Variants in EXOSC9 observed in about 807,000 individuals in gnomAD.
The protein encoded by EXOSC9 is exosome complex component RRP45.
EXOSC9 carries 38 observed loss-of-function variants against 56.5 expected under a neutral mutation model. The observed-to-expected ratio is 0.67, with a 90% CI of 0.52 to 0.88. EXOSC9 has a LOEUF of 0.88. EXOSC9 is among the 40% of genes least tolerant of loss of function. The pLI is 0.00. For synonymous variants in EXOSC9, 170 were observed against 170.8 expected, an observed-to-expected ratio of 0.99 and a Z score of 0.04; for missense variants, 559 against 530.5, an observed-to-expected ratio of 1.05 and a Z score of -0.53.
intron 8 of EXOSC9, among the ~76,000 whole-genome samples, 152 bp from the exon 9 acceptor site, chr4:121,813,078 TAATA>T (rs951005794): frequency 6.6e-6 from 1 of 152,226 alleles, no homozygotes; most frequent in Admixed American, 6.5e-5. Flanking sequence ...TTGTTAGGCA[TAATA>T]AATTGGTGAG....
intron 2 of EXOSC9, among the ~76,000 whole-genome samples, 164 bp downstream of exon 2, chr4:121,802,085 C>T (rs1219750938): frequency 2.6e-5 from 4 of 152,152 alleles, no homozygotes; most frequent in Non-Finnish European, 5.9e-5. Context: ...TTTGTGGTCA[C>T]ACTTGAACTT....
At chr4:121,810,720 C>T (rs1277938668) in intron 7 of EXOSC9, among the ~76,000 whole-genome samples, 2 of 151,580 alleles carry the variant, frequency 1.3e-5, no homozygotes, top group Non-Finnish European at 2.9e-5. Flanking sequence ...AAATATTAGC[C>T]GAGCTTGGTG....
In EXOSC9 at chr4:121,816,978, T is replaced by A. The variant is rs1433417085; in HGVS notation, c.*122T>A. 3.8e-6 allele frequency: 4 copies of A among 1,064,840 alleles called. No individual in the cohort carries two copies. Among genetic ancestry groups the A allele is most frequent in the Non-Finnish European group, 3.9e-6 (3 of 778,212 alleles). The allele number at this position is 1,064,840 out of a possible 1,614,324, so 66.0% of individuals were successfully genotyped here. A position where few individuals can be genotyped will look rare whatever the true frequency, so the allele number is the denominator to read the frequency against. On this transcript the variant is annotated 3_prime_UTR_variant, in exon 12 of 12. Transcript: ENST00000243498. ...AATCTAGCAGGATTTTAAAAATAGT[T>A]TTTTGTTTTTAATGTGCTTTAAAAT...
chr4:121,801,458 C>G lies in EXOSC9; in HGVS notation c.34C>G (p.Arg12Gly). 1 of 1,614,218 alleles carries G rather than the reference C, an allele frequency of 6.2e-7. No homozygotes were observed. The highest frequency in any genetic ancestry group is 8.5e-7 in the Non-Finnish European group (1 of 1,180,042). ...KETPLSNCER[R>G]FLLRAIEEKK... Reference sequence around the variant, plus strand: ...AACGCCACTCTCAAACTGCGAACGCCGCTTCCTACTCCGTGCCATCGAAGA... The same window carrying G: ...AACGCCACTCTCAAACTGCGAACGCGGCTTCCTACTCCGTGCCATCGAAGA... Residue 12 changes from arginine to glycine, a missense_variant, in exon 1 of 12, where the codon CGC (arginine) becomes GGC (glycine). Physicochemically the swap from Arg to Gly is moderately radical, Grantham distance 125. Coordinates refer to ENST00000243498, the MANE Select transcript of EXOSC9 (RefSeq NM_005033.3).
chr4:121,813,433 A>G (rs1473992377), intron 9 of EXOSC9, 53 bp downstream of exon 9: 49 of 1,510,430 alleles, frequency 3.2e-5, no homozygotes, highest in Non-Finnish European at 4.5e-5. Context: ...ACTTGGCATT[A>G]TAATATTAGG....
At position 121,803,006 on chromosome 4, in the gene EXOSC9, G is replaced by A. The variant is rs1465112221; in HGVS notation, c.373G>A (p.Ala125Thr). 2 of 1,611,326 alleles carry A rather than the reference G, an allele frequency of 1.2e-6. No homozygotes were observed. Among genetic ancestry groups the A allele is most frequent in the Non-Finnish European group, 1.7e-6 (2 of 1,177,538 alleles). Residue 125 changes from alanine (A) to threonine (T), a missense_variant, in exon 4 of 12, where the codon GCT (alanine) becomes ACT (threonine). Coordinates refer to ENST00000243498, the MANE Select transcript of EXOSC9 (RefSeq NM_005033.3). Reference protein sequence around the residue: ...CIDTESLCVVAGEKVWQIRVD... With the variant: ...CIDTESLCVVTGEKVWQIRVD... ...AGACACTGAGTCTCTCTGTGTTGTT[G>A]CTGGTGAAAAGGTGGGGAATATGCC...
Position 121,816,920 on chromosome 4 carries a change from C to T in EXOSC9, c.*64C>T, listed in dbSNP as rs1724539527. 7.3e-7 allele frequency: 1 copy of T among 1,373,530 alleles called. No individual in the cohort carries two copies. The highest frequency in any genetic ancestry group is 1.5e-5 in the African/African-American group (1 of 66,666). 85.1% of individuals were successfully genotyped at this position (1,373,530 alleles called of 1,614,324 possible). A position where few individuals can be genotyped will look rare whatever the true frequency, so the allele number is the denominator to read the frequency against. Reference sequence around the variant, plus strand: ...GGGATATTTATTCCATTCTGAGAACCCTGGGTATTTTTTATTCACAAATCC... The same window carrying T: ...GGGATATTTATTCCATTCTGAGAACTCTGGGTATTTTTTATTCACAAATCC... On this transcript the variant is annotated 3_prime_UTR_variant, in exon 12 of 12. Coordinates refer to ENST00000243498, the MANE Select transcript of EXOSC9 (RefSeq NM_005033.3).
chr4:121,816,113 G>A (rs768369229), intron 10 of EXOSC9: 11 of 635,262 alleles, frequency 1.7e-5, no homozygotes, highest in Middle Eastern at 4.1e-4. Context: ...ATGCCACCAC[G>A]CCTGGCTAAT....
At chr4:121,812,242 G>A (rs1727233064) in intron 8 of EXOSC9, among the ~76,000 whole-genome samples, 2 of 152,092 alleles carry the variant, frequency 1.3e-5, no homozygotes, top group Admixed American at 6.5e-5. Flanking sequence ...AAGAGCAAGA[G>A]GTCTTCATTA....
At chr4:121,803,039 C>G in intron 4 of EXOSC9, 22 bp downstream of exon 4, 1 of 1,496,216 alleles carries the variant, frequency 6.7e-7, no homozygotes, top group Non-Finnish European at 9.3e-7. Flanking sequence ...GCCCATAATT[C>G]TTAATCTTAG....
chr4:121,801,460 C>G lies in EXOSC9; in HGVS notation c.36C>G (p.Arg12=), dbSNP rs150604288. Reference sequence around the variant, plus strand: ...CGCCACTCTCAAACTGCGAACGCCGCTTCCTACTCCGTGCCATCGAAGAGA... The same window carrying G: ...CGCCACTCTCAAACTGCGAACGCCGGTTCCTACTCCGTGCCATCGAAGAGA... The part of the protein sequence containing the change: ...KETPLSNCER[R]FLLRAIEEKK... The change falls in exon 1 of 12, where the codon CGC becomes CGG. Residue 12 remains arginine, a synonymous_variant. Coordinates refer to ENST00000243498, the MANE Select transcript of EXOSC9 (RefSeq NM_005033.3). 3.3e-5 allele frequency: 53 copies of G among 1,614,092 alleles called. 1 individual carries two copies. Among genetic ancestry groups the G allele is most frequent in the Non-Finnish European group, 4.4e-5 (52 of 1,180,038 alleles).
In EXOSC9 at chr4:121,810,095, A is replaced by G; in HGVS notation, c.734A>G (p.Asp245Gly). 6.2e-7 allele frequency: 1 copy of G among 1,613,276 alleles called. No homozygotes were observed. Among genetic ancestry groups the G allele is most frequent in the Non-Finnish European group, 8.5e-7 (1 of 1,179,338 alleles). ...AGTGGTGGGATAATGCTACTAAAAG[A>G]TCAAGTTAGTGCTTTGATTAATGTC... The part of the protein sequence containing the change: ...QSSGGIMLLK[D>G]QVLRCSKIAG... Residue 245 changes from aspartate to glycine, a missense_variant, in exon 7 of 12, where the codon GAT (aspartate) becomes GGT (glycine). Physicochemically the swap from Asp to Gly is moderately conservative, Grantham distance 94 (BLOSUM62 -1). Transcript: ENST00000243498.
At chr4:121,809,228 C>G (rs1277011428) in intron 6 of EXOSC9, among the ~76,000 whole-genome samples, 1 of 151,738 alleles carries the variant, frequency 6.6e-6, no homozygotes, top group Non-Finnish European at 1.5e-5. Flanking sequence ...CTCAAGTGAT[C>G]TTGCAGTCCT....
rs1019478137 is a variant in EXOSC9, at chr4:121,813,879, G to A, written c.988G>A (p.Val330Met). ...TAACTTGTTAAGTGTTTCTACACCT[G>A]TGCTATGGACTCCTGGAACTGCCCA... ...EPPSEVVSTP[V>M]LWTPGTAQIG... The change falls in exon 10 of 12, where the codon GTG becomes ATG. Residue 330 changes from valine (V) to methionine (M), a missense_variant. Val to Met is a conservative substitution (Grantham distance 21). Coordinates refer to ENST00000243498, the MANE Select transcript of EXOSC9 (RefSeq NM_005033.3). 2 of 1,611,590 alleles carry A rather than the reference G, an allele frequency of 1.2e-6. No individual in the cohort carries two copies. Among genetic ancestry groups the A allele is most frequent in the Non-Finnish European group, 1.7e-6 (2 of 1,178,060 alleles).
intron 5 of EXOSC9, among the ~76,000 whole-genome samples, chr4:121,806,536 A>T (rs766971368): frequency 6.6e-6 from 1 of 152,236 alleles, no homozygotes; most frequent in Non-Finnish European, 1.5e-5. Context: ...TACGGGAGGA[A>T]TAAGAGCTTA....
intron 4 of EXOSC9, among the ~76,000 whole-genome samples, chr4:121,803,495 C>T (rs1373359052): frequency 6.6e-6 from 1 of 151,952 alleles, no homozygotes; most frequent in Non-Finnish European, 1.5e-5. Context: ...AATCTTAGTC[C>T]CAATAAATTG....
Position 121,801,477 on chromosome 4 carries a change from T to G in EXOSC9, c.53T>G (p.Ile18Ser). The G allele has an allele frequency of 6.2e-7, 1 of 1,614,194 alleles. No individual in the cohort carries two copies. The highest frequency in any genetic ancestry group is 2.2e-5 in the East Asian group (1 of 44,878). Residue 18 changes from isoleucine (I) to serine (S), a missense_variant, in exon 1 of 12, where the codon ATC becomes AGC. Ile to Ser is a moderately radical substitution (Grantham distance 142, BLOSUM62 -2). Coordinates refer to ENST00000243498, the MANE Select transcript of EXOSC9 (RefSeq NM_005033.3). Reference protein sequence around the residue: ...NCERRFLLRAIEEKKRLDGRQ... With the variant: ...NCERRFLLRASEEKKRLDGRQ... ...GAACGCCGCTTCCTACTCCGTGCCA[T>G]CGAAGAGAAGAAGGTATGGTTTGGT... is the stretch of plus-strand genomic sequence containing the variant.
intron 7 of EXOSC9, 48 bp from the exon 8 acceptor site, chr4:121,811,535 C>G: frequency 9.1e-7 from 1 of 1,099,848 alleles, no homozygotes; most frequent in Non-Finnish European, 1.3e-6. Context: ...TTAGAGAAAA[C>G]TATTTGGTTT....
intron 8 of EXOSC9, 59 bp downstream of exon 8, chr4:121,811,730 T>C (rs371901775): frequency 6.5e-6 from 5 of 773,376 alleles, no homozygotes; most frequent in African/African-American, 3.6e-5. Context: ...ATTTTTATTA[T>C]TTTTTTTAGT....
Sources: gnomAD v4.1 joint callset for allele counts (sites outside exome capture counted in the v4.1 genomes callset) on GRCh38, gnomAD v4.1.1 for gene constraint, MANE v1.5 for transcripts, NCBI Gene and HGNC (gene_info 2026-07-23, HGNC 2026-07-21) for gene names.